PPARGC1A: variants seen among roughly 807,000 people sequenced by gnomAD.
The protein encoded by PPARGC1A is PPARG coactivator 1 alpha.
PPARGC1A carries 25 observed loss-of-function variants against 88.7 expected under a neutral mutation model. The observed-to-expected ratio is 0.28, with a 90% CI of 0.21 to 0.39. The LOEUF (loss-of-function observed/expected upper bound fraction) is 0.39. Among genes scored for constraint, PPARGC1A ranks in the 10% least tolerant of loss-of-function variants. The pLI is 1.00. For missense variants in PPARGC1A, 880 were observed against 968.7 expected, an observed-to-expected ratio of 0.91 and a Z score of 1.22; for synonymous variants, 363 against 355.6, an observed-to-expected ratio of 1.02 and a Z score of -0.24.
chr4:23,954,261 A>G, the PPARGC1A span, among the ~76,000 whole-genome samples: 13 of 152,238 alleles, frequency 8.5e-5, no homozygotes, highest in East Asian at 2.3e-3. Flanking sequence ...CTAGCAGTTT[A>G]GTAATGCTAA....
At chr4:23,922,255 C>T in the PPARGC1A span, among the ~76,000 whole-genome samples, 2 of 152,196 alleles carry the variant, frequency 1.3e-5, no homozygotes, top group East Asian at 3.9e-4. Flanking sequence ...AAGTCTATTG[C>T]TTAGCTTTGG....
At chr4:23,844,236 A>G (rs1334181203) in intron 2 of PPARGC1A, among the ~76,000 whole-genome samples, 1 of 148,434 alleles carries the variant, frequency 6.7e-6, no homozygotes, top group Non-Finnish European at 1.5e-5. Flanking sequence ...AGAGTTTATA[A>G]TCTAGTCAAG....
intron 2 of PPARGC1A, among the ~76,000 whole-genome samples, chr4:23,837,375 A>C (rs562365411): frequency 1.8e-3 from 194 of 109,222 alleles, no homozygotes; most frequent in South Asian, 2.7e-3. Context: ...ATTTTTTTGC[A>C]CTCATGATTA....
the PPARGC1A span, among the ~76,000 whole-genome samples, chr4:24,253,204 A>G: frequency 1.3e-5 from 2 of 152,198 alleles, no homozygotes; most frequent in African/African-American, 4.8e-5. Flanking sequence ...GTCTAAAAAC[A>G]AGGTTCAAGC....
chr4:24,297,009 G>A, the PPARGC1A span, among the ~76,000 whole-genome samples: 1 of 152,046 alleles, frequency 6.6e-6, no homozygotes, highest in Non-Finnish European at 1.5e-5. Context: ...TGGAGAGGAA[G>A]AAGACAAAAG....
intron 2 of PPARGC1A, among the ~76,000 whole-genome samples, chr4:23,863,872 C>A (rs6855423): frequency 1.3e-5 from 2 of 152,002 alleles, no homozygotes; most frequent in Admixed American, 6.6e-5. Flanking sequence ...TCAGCTTTCC[C>A]AGTAGCTGGG....
chr4:24,297,114 G>A, the PPARGC1A span, among the ~76,000 whole-genome samples: 7 of 152,106 alleles, frequency 4.6e-5, no homozygotes, highest in African/African-American at 7.2e-5. Context: ...ATTCACACTC[G>A]AAGCTAGTGC....
the PPARGC1A span, among the ~76,000 whole-genome samples, chr4:24,083,616 C>T: frequency 2.6e-5 from 4 of 152,126 alleles, no homozygotes; most frequent in Non-Finnish European, 4.4e-5. Flanking sequence ...TCCAAGGTCT[C>T]TCCCAGCCTC....
the PPARGC1A span, among the ~76,000 whole-genome samples, chr4:24,363,876 C>G: frequency 6.6e-6 from 1 of 152,132 alleles, no homozygotes; most frequent in African/African-American, 2.4e-5. Flanking sequence ...GTTGTAGGCC[C>G]CTCTCCATGA....
At chr4:24,258,152 T>G in the PPARGC1A span, 1 of 879,466 alleles carries the variant, frequency 1.1e-6, no homozygotes, top group South Asian at 5.2e-5. Flanking sequence ...CATTTGGTAT[T>G]TGCACTTCAG....
chr4:23,966,015 C>T, the PPARGC1A span, among the ~76,000 whole-genome samples: 2 of 148,830 alleles, frequency 1.3e-5, no homozygotes, highest in Non-Finnish European at 1.5e-5. Flanking sequence ...AAATTACCCA[C>T]CATTTGCAGA....
At chr4:23,844,550 AT>A (rs1727751048) in intron 2 of PPARGC1A, among the ~76,000 whole-genome samples, 1 of 115,284 alleles carries the variant, frequency 8.7e-6, no homozygotes, top group African/African-American at 3.5e-5. Context: ...TATATTATAT[AT>A]TATCACATAA....
chr4:24,394,251 C>T, the PPARGC1A span, among the ~76,000 whole-genome samples: 8 of 152,156 alleles, frequency 5.3e-5, no homozygotes, highest in Admixed American at 5.2e-4. Flanking sequence ...GGTTTACTCA[C>T]GGCCATGTTA....
At chr4:24,250,220 T>G in the PPARGC1A span, among the ~76,000 whole-genome samples, 1 of 152,218 alleles carries the variant, frequency 6.6e-6, no homozygotes, top group Non-Finnish European at 1.5e-5. Context: ...TATCACACCA[T>G]TCCTTGCCCG....
the PPARGC1A span, among the ~76,000 whole-genome samples, chr4:24,052,007 G>T: frequency 6.6e-6 from 1 of 150,418 alleles, no homozygotes; most frequent in Non-Finnish European, 1.5e-5. Context: ...CCAGGGTTGG[G>T]ATAATAATGA....
the PPARGC1A span, among the ~76,000 whole-genome samples, chr4:24,067,872 C>A: frequency 6.6e-6 from 1 of 152,224 alleles, no homozygotes; most frequent in Non-Finnish European, 1.5e-5. Context: ...ATGCTTTCCC[C>A]ACTGCCAGAA....
the PPARGC1A span, among the ~76,000 whole-genome samples, chr4:24,214,490 G>A: frequency 6.6e-6 from 1 of 152,192 alleles, no homozygotes; most frequent in Non-Finnish European, 1.5e-5. Flanking sequence ...TGGCAACAGG[G>A]AAGAGGAGGA....
intron 2 of PPARGC1A, among the ~76,000 whole-genome samples, chr4:23,853,244 C>G (rs1268201080): frequency 6.6e-6 from 1 of 151,996 alleles, no homozygotes; most frequent in Non-Finnish European, 1.5e-5. Context: ...GGCAGGCACT[C>G]CCTAGAACAT....
the PPARGC1A span, among the ~76,000 whole-genome samples, chr4:24,082,036 C>T: frequency 5.9e-5 from 9 of 152,224 alleles, no homozygotes; most frequent in African/African-American, 1.7e-4. Context: ...AAAGATCCAA[C>T]GGTTTCCAGG....
Sources: allele counts gnomAD v4.1 joint callset (sites outside exome capture counted in the v4.1 genomes callset), GRCh38; gene constraint gnomAD v4.1.1; transcripts MANE v1.5; gene names NCBI Gene and HGNC (gene_info 2026-07-23, HGNC 2026-07-21).